DHX16: variants seen among roughly 807,000 people sequenced by gnomAD.
DHX16 encodes DEAH-box helicase 16.
In DHX16, 81 loss-of-function variants were observed where a neutral mutation model predicts 131.2. That is an observed-to-expected ratio of 0.62 (90% CI 0.52 to 0.74). DHX16 has a LOEUF of 0.74. Ranked by LOEUF, DHX16 falls within the 30% of genes least tolerant of loss-of-function variation. The pLI, the probability that DHX16 is intolerant of heterozygous loss-of-function variation, is 0.00. For synonymous variants in DHX16, 440 were observed against 520.2 expected, an observed-to-expected ratio of 0.85 and a Z score of 2.10; for missense variants, 980 against 1,363.1, an observed-to-expected ratio of 0.72 and a Z score of 4.43.
At position 30,662,393 on chromosome 6, in the gene DHX16, C is replaced by T. The variant is rs1181626184; in HGVS notation, c.1544+234G>A. On this transcript the variant is annotated intron_variant, in intron 9 of 19. Transcript: ENST00000376442. The surrounding 1 kb of genome is among the most constrained non-coding windows in gnomAD (Gnocchi z 4.7). Reference sequence around the variant, plus strand: ...GGTCTTCACACGGTATTTCAAGTCTCGGCAGCAATGCTCTGCTATCCTGGT... The same window carrying T: ...GGTCTTCACACGGTATTTCAAGTCTTGGCAGCAATGCTCTGCTATCCTGGT... Among the ~76,000 whole-genome samples, 2 of 152,206 alleles carry T rather than the reference C, an allele frequency of 1.3e-5. No homozygotes were observed. The highest frequency in any genetic ancestry group is 2.9e-5 in the Non-Finnish European group (2 of 68,044).
rs766875314 is a variant in DHX16, at chr6:30,660,131, T to C, written c.1656A>G (p.Ser552=). 2 of 1,611,038 alleles carry C rather than the reference T, an allele frequency of 1.2e-6. No individual in the cohort carries two copies. Among genetic ancestry groups the C allele is most frequent in the South Asian group, 1.1e-5 (1 of 90,756 alleles). ...FRPELKVLVA[S]ATMDTARFST... is the part of the protein sequence containing the mutation. The stretch of plus-strand genomic sequence containing the variant: ...AAAAACGGGCAGTGTCCATTGTGGC[T>C]GAAGCCACCAGGACCTTGAGCTCAG... Residue 552 remains serine, a synonymous_variant, in exon 10 of 20, where the codon TCA becomes TCG. Transcript: ENST00000376442.
At chr6:30,660,411 G>A (rs751575591) in intron 9 of DHX16, 169 bp from the exon 10 acceptor site, 114 of 504,138 alleles carry the variant, frequency 2.3e-4, no homozygotes, top group Admixed American at 1.4e-3. Flanking sequence ...TAGAGCAACA[G>A]AAAGTCAGAG....
chr6:30,670,958 G>A lies in DHX16; in HGVS notation c.447-6C>T, dbSNP rs188894166. ...CTGTCTGCTGTTTACTCCCCCTGCA[G>A]CCCATCCAGGGGATTAAATAAGGGC... is the stretch of plus-strand genomic sequence containing the variant. On this transcript the variant is annotated splice_polypyrimidine_tract_variant and splice_region_variant and intron_variant, in intron 2 of 19. Transcript: ENST00000376442. This position sits in a 1 kb window ranked among gnomAD's most constrained non-coding sequence, Gnocchi z 4.4. The A allele has an allele frequency of 1.2e-6, 2 of 1,613,038 alleles. No individual in the cohort carries two copies. The highest frequency in any genetic ancestry group is 4.5e-5 in the East Asian group (2 of 44,886).
chr6:30,672,303 G>A (rs1405516630), intron 1 of DHX16, among the ~76,000 whole-genome samples: 2 of 150,956 alleles, frequency 1.3e-5, no homozygotes, highest in East Asian at 3.9e-4. Flanking sequence ...TGGGCGACGG[G>A]GCGAGCGAGA....
Position 30,656,692 on chromosome 6 carries a change from GTA to G in DHX16, c.2214_2215del (p.Thr739ArgfsTer9). On this transcript the variant is annotated frameshift_variant, in exon 14 of 20. Coordinates refer to ENST00000376442, the MANE Select transcript of DHX16 (RefSeq NM_003587.5). LOFTEE classifies it high-confidence loss of function. The surrounding 1 kb of genome is among the most constrained non-coding windows in gnomAD (Gnocchi z 5.1). ...AAGCTCGTGCTGATAGGCCCAGGCG[GTA>G]TACAGGCGGAAGCACTTCCCTGCAG... The G allele has an allele frequency of 2.5e-6, 4 of 1,613,734 alleles. No homozygotes were observed. The highest frequency in any genetic ancestry group is 2.5e-6 in the Non-Finnish European group (3 of 1,180,042).
rs547416779 is a variant in DHX16 at position 30,669,202 on chromosome 6, T to C, written c.666+1208A>G. Among the ~76,000 whole-genome samples, 44 of 152,168 alleles carry C rather than the reference T, an allele frequency of 2.9e-4. No homozygotes were observed. In the East Asian group the frequency reaches 7.6e-3, roughly 26 times the overall value. ...ACTTTGGGAGGCCAAGGCGGGCAGA[T>C]CACAAGGTCAAGAGATCAAGACCAT... On this transcript the variant is annotated intron_variant, in intron 4 of 19. Transcript: ENST00000376442.
Position 30,672,798 on chromosome 6 carries a change from A to G in DHX16, c.44T>C (p.Leu15Pro). 1 of 1,612,984 alleles carries G rather than the reference A, an allele frequency of 6.2e-7. No individual in the cohort carries two copies. The highest frequency in any genetic ancestry group is 8.5e-7 in the Non-Finnish European group (1 of 1,180,024). Reference sequence around the variant, plus strand: ...CTCGCTCAGCCCCAACACCGAGTGCAGCTCGTCCTGAACCCAGCGCTCCAG... The same window carrying G: ...CTCGCTCAGCCCCAACACCGAGTGCGGCTCGTCCTGAACCCAGCGCTCCAG... ...AGLERWVQDELHSVLGLSERH... is the reference protein window; with the variant it reads ...AGLERWVQDEPHSVLGLSERH... The change falls in exon 1 of 20, where the codon CTG becomes CCG. Residue 15 changes from leucine (L) to proline (P), a missense_variant. Physicochemically the swap from Leu to Pro is moderately conservative, Grantham distance 98 (BLOSUM62 -3). Around this residue, in one of 3 missense-constraint regions of DHX16, gnomAD observed 457 missense variants for 554.8 expected, o/e 0.82. Transcript: ENST00000376442.
Position 30,655,350 on chromosome 6 carries a change from T to G in DHX16, c.2662-14A>C, listed in dbSNP as rs549970177. On this transcript the variant is annotated splice_polypyrimidine_tract_variant and intron_variant, in intron 17 of 19. Coordinates refer to ENST00000376442, the MANE Select transcript of DHX16 (RefSeq NM_003587.5). ...ACTCTCAGCCCACTGGGAAGACAGT[T>G]AAAAAGAAAGGAGAGATAATTAAGT... 26 of 1,613,762 alleles carry G rather than the reference T, an allele frequency of 1.6e-5. 1 individual carries two copies. In the South Asian group the frequency reaches 2.3e-4, roughly 14 times the overall value.
Position 30,665,373 on chromosome 6 carries a change from C to T in DHX16, c.922-99G>A, listed in dbSNP as rs192522914. 3.0e-5 allele frequency: 48 copies of T among 1,582,340 alleles called. No individual in the cohort carries two copies. The highest frequency in any genetic ancestry group is 1.3e-4 in the East Asian group (6 of 44,556). ...ACCCCCGCCCACTGCCCATTGGGAACGGCAAGGCAAGAAAGGGGATGACCC... is the reference window on the plus strand; with the variant it reads ...ACCCCCGCCCACTGCCCATTGGGAATGGCAAGGCAAGAAAGGGGATGACCC... On this transcript the variant is annotated intron_variant, in intron 5 of 19. Transcript: ENST00000376442. The surrounding 1 kb of genome is among the most constrained non-coding windows in gnomAD (Gnocchi z 4.8).
rs1158710303 is a variant in DHX16 at position 30,662,507 on chromosome 6, G to A, written c.1544+120C>T. 19 of 770,888 alleles carry A rather than the reference G, an allele frequency of 2.5e-5. No individual in the cohort carries two copies. Among genetic ancestry groups the A allele is most frequent in the Non-Finnish European group, 4.2e-5 (19 of 452,050 alleles). The allele number at this position is 770,888 out of a possible 1,614,324, so 47.8% of individuals were successfully genotyped here. A position where few individuals can be genotyped will look rare whatever the true frequency, so the allele number is the denominator to read the frequency against. The stretch of plus-strand genomic sequence containing the variant: ...TCCAGCCCCATCTCCGTGGTACCTG[G>A]AGGTCAGTTCAAGGACCATTTGAAC... On this transcript the variant is annotated intron_variant, in intron 9 of 19. Coordinates refer to ENST00000376442, the MANE Select transcript of DHX16 (RefSeq NM_003587.5). The surrounding 1 kb of genome is among the most constrained non-coding windows in gnomAD (Gnocchi z 4.7).
At chr6:30,671,730 G>C (rs990145383) in intron 1 of DHX16, among the ~76,000 whole-genome samples, 5 of 151,880 alleles carry the variant, frequency 3.3e-5, no homozygotes, top group Non-Finnish European at 7.4e-5. Flanking sequence ...TCCTGAATGG[G>C]GTTTTTTATT....
At position 30,654,744 on chromosome 6, in the gene DHX16, GGT is replaced by G; in HGVS notation, c.2957_2958del (p.Tyr986SerfsTer18). On this transcript the variant is annotated frameshift_variant, in exon 19 of 20. Transcript: ENST00000376442. LOFTEE classifies it high-confidence loss of function. ...TCTTTGGTGGTCAAGACAAGTTCGTGGTAGAGCAGCCAGCGTGGCTGTTGCTC... is the reference window on the plus strand; with the variant it reads ...TCTTTGGTGGTCAAGACAAGTTCGTGAGAGCAGCCAGCGTGGCTGTTGCTC... ...LFEQQPRWLL[Y>X]HELVLTTKEF... 2 of 1,612,984 alleles carry G rather than the reference GGT, an allele frequency of 1.2e-6. No homozygotes were observed. The highest frequency in any genetic ancestry group is 1.7e-6 in the Non-Finnish European group (2 of 1,179,996).
At chr6:30,664,704 A>T in intron 7 of DHX16, 97 bp downstream of exon 7, 1 of 1,085,814 alleles carries the variant, frequency 9.2e-7, no homozygotes, top group Non-Finnish European at 1.3e-6. Flanking sequence ...AAAGATAGGT[A>T]AGTGACTACT....
In DHX16 at chr6:30,665,778, C is replaced by A; in HGVS notation, c.667-45G>T. ...TCGAATCCTCATCTTGCTGGAGGAG[C>A]AACCCCTTTCTCTACCAATCCCTAC... On this transcript the variant is annotated intron_variant, in intron 4 of 19. Coordinates refer to ENST00000376442, the MANE Select transcript of DHX16 (RefSeq NM_003587.5). This position sits in a 1 kb window ranked among gnomAD's most constrained non-coding sequence, Gnocchi z 4.8. 1 of 1,580,784 alleles carries A rather than the reference C, an allele frequency of 6.3e-7. No individual in the cohort carries two copies. The highest frequency in any genetic ancestry group is 1.1e-5 in the South Asian group (1 of 88,200).
Position 30,656,407 on chromosome 6 carries a change from A to C in DHX16, c.2414T>G (p.Leu805Arg). Residue 805 changes from leucine to arginine, a missense_variant, in exon 15 of 20, where the codon CTT (leucine) becomes CGT (arginine). By Grantham distance (102) the Leu-to-Arg change is moderately radical. Transcript: ENST00000376442. This position sits in a 1 kb window ranked among gnomAD's most constrained non-coding sequence, Gnocchi z 5.1. ...QLYALGALNH[L>R]GELTTSGRKM... The stretch of plus-strand genomic sequence containing the variant: ...CCGACTCACCGTGGTGAGCTCCCCA[A>C]GGTGGTTGAGGGCTCCCAGAGCATA... 6.2e-7 allele frequency: 1 copy of C among 1,614,000 alleles called. No individual in the cohort carries two copies. The highest frequency in any genetic ancestry group is 8.5e-7 in the Non-Finnish European group (1 of 1,179,906).
Position 30,656,554 on chromosome 6 carries a change from A to G in DHX16, c.2311+43T>C, listed in dbSNP as rs762958560. On this transcript the variant is annotated intron_variant, in intron 14 of 19. Transcript: ENST00000376442. This position sits in a 1 kb window ranked among gnomAD's most constrained non-coding sequence, Gnocchi z 5.1. ...ATGGAACAGAGTCCCTTCAAAGGAC[A>G]GTGACTCCAGCCCCTCCCTCCTCTC... 1.2e-6 allele frequency: 2 copies of G among 1,614,054 alleles called. No homozygotes were observed. Among genetic ancestry groups the G allele is most frequent in the African/African-American group, 2.7e-5 (2 of 74,936 alleles).
chr6:30,669,662 T>A (rs999591416), intron 4 of DHX16, among the ~76,000 whole-genome samples: 1 of 147,714 alleles, frequency 6.8e-6, no homozygotes, highest in Non-Finnish European at 1.5e-5. Flanking sequence ...GAGGCGGAGG[T>A]TGCAGTGAGC....
chr6:30,659,880 G>A lies in DHX16; in HGVS notation c.1756-46C>T, dbSNP rs1428647504. 5.7e-6 allele frequency: 9 copies of A among 1,591,800 alleles called. No homozygotes were observed. The South Asian group carries it at 6.7e-5, about 12-fold the overall frequency. ...GGGTCACAGGAGGGCCACCTGCTTA[G>A]GCAAACCTTTCCTCTCCTCCCAATT... On this transcript the variant is annotated intron_variant, in intron 10 of 19. Coordinates refer to ENST00000376442, the MANE Select transcript of DHX16 (RefSeq NM_003587.5).
At position 30,670,923 on chromosome 6, in the gene DHX16, T is replaced by C; in HGVS notation, c.476A>G (p.Glu159Gly). 1.2e-6 allele frequency: 2 copies of C among 1,613,084 alleles called. No homozygotes were observed. The highest frequency in any genetic ancestry group is 3.3e-5 in the Admixed American group (2 of 60,018). The change falls in exon 3 of 20, where the codon GAG (glutamate) becomes GGG (glycine). Residue 159 changes from glutamate (E) to glycine (G), a missense_variant. Physicochemically the swap from Glu to Gly is moderately conservative, Grantham distance 98 (BLOSUM62 -2). This residue lies in a region of DHX16 where 457 missense variants were observed against 554.8 expected (regional missense o/e 0.82). Coordinates refer to ENST00000376442, the MANE Select transcript of DHX16 (RefSeq NM_003587.5). The surrounding 1 kb of genome is among the most constrained non-coding windows in gnomAD (Gnocchi z 4.4). ...TGTCCGTTCCCACTCATCTTCCGAC[T>C]CTGGCTTCTCTGTCTGCTGTTTACT... ...GGSKQQTEKP[E>G]SEDEWERTER...
Sources: allele counts gnomAD v4.1 joint callset (sites outside exome capture counted in the v4.1 genomes callset), GRCh38; gene constraint gnomAD v4.1.1; regional missense constraint gnomAD v4.1.1; non-coding constraint Gnocchi (gnomAD v3.1); transcripts MANE v1.5; gene names NCBI Gene and HGNC (gene_info 2026-07-23, HGNC 2026-07-21).